SEMA5A: variants seen among roughly 807,000 people sequenced by gnomAD.
SEMA5A encodes the protein semaphorin 5A.
Under a neutral mutation model 135.5 loss-of-function variants are expected in SEMA5A, and 55 were observed. That is an observed-to-expected ratio of 0.41 (90% CI 0.33 to 0.51). The LOEUF is 0.51. Ranked by LOEUF, SEMA5A falls within the 20% of genes least tolerant of loss-of-function variation. The probability of loss-of-function intolerance (pLI) is 0.37; values close to 1 mark genes in which losing one functional copy is unlikely to be tolerated. For synonymous variants in SEMA5A, 580 were observed against 546.5 expected (o/e 1.06, Z -0.85); for missense variants, 1,290 against 1,419.9 (o/e 0.91, Z 1.47).
chr5:9,389,036 T>C (rs1425536216), intron 2 of SEMA5A, among the ~76,000 whole-genome samples: 1 of 152,226 alleles, frequency 6.6e-6, no homozygotes, highest in African/African-American at 2.4e-5. Context: ...ACCCTTCTAC[T>C]GTCATCAGTC....
At chr5:9,353,110 A>G (rs1182741129) in intron 3 of SEMA5A, among the ~76,000 whole-genome samples, 17 of 17,008 alleles carry the variant, frequency 1.0e-3, no homozygotes, top group African/African-American at 3.2e-3. Flanking sequence ...AGGAAAGGAA[A>G]GGAAAGGAAA....
At chr5:9,067,989 CCT>C (rs1737567626) in intron 16 of SEMA5A, among the ~76,000 whole-genome samples, 2 of 151,860 alleles carry the variant, frequency 1.3e-5, no homozygotes, top group African/African-American at 4.8e-5. Flanking sequence ...TTGATTATTC[CCT>C]GTTATTGTAT....
intron 2 of SEMA5A, among the ~76,000 whole-genome samples, chr5:9,411,567 C>A (rs1267304961): frequency 6.6e-6 from 1 of 152,180 alleles, no homozygotes; most frequent in African/African-American, 2.4e-5. Flanking sequence ...TCACCCACTG[C>A]CAGAAGGATG....
At chr5:9,466,170 T>C (rs1759251933) in intron 1 of SEMA5A, among the ~76,000 whole-genome samples, 2 of 151,662 alleles carry the variant, frequency 1.3e-5, no homozygotes, top group African/African-American at 4.8e-5. Context: ...GGAAACAGGA[T>C]TAAATCAGTA....
intron 4 of SEMA5A, among the ~76,000 whole-genome samples, chr5:9,332,871 T>C (rs1306804150): frequency 1.3e-5 from 2 of 152,258 alleles, no homozygotes; most frequent in South Asian, 2.1e-4. Flanking sequence ...GATCATTACC[T>C]GATCCAAGTA....
chr5:9,049,750 G>A (rs1736464620), intron 21 of SEMA5A, among the ~76,000 whole-genome samples: 1 of 152,148 alleles, frequency 6.6e-6, no homozygotes, highest in Non-Finnish European at 1.5e-5. Context: ...TCTCCATCCA[G>A]GCATGTTCAC....
intron 5 of SEMA5A, among the ~76,000 whole-genome samples, chr5:9,294,662 G>C (rs1243726371): frequency 1.3e-5 from 2 of 152,172 alleles, no homozygotes; most frequent in Non-Finnish European, 2.9e-5. Context: ...GCTTTGTCCA[G>C]GGAATTGGAC....
intron 5 of SEMA5A, among the ~76,000 whole-genome samples, chr5:9,272,946 C>A (rs951613772): frequency 6.6e-6 from 1 of 152,104 alleles, no homozygotes; most frequent in Non-Finnish European, 1.5e-5. Context: ...AACCAGAATG[C>A]CTCTTCTCCA....
rs190716003 is a variant in SEMA5A, at chr5:9,455,488, C to T, written c.-174-17636G>A. ...AGCAAGGACAGTCTCAATCTCCTGA[C>T]TTTGTGATCCGCCCGCCTCGGCCTC... On this transcript the variant is annotated intron_variant, in intron 1 of 22. Coordinates refer to ENST00000382496, the MANE Select transcript of SEMA5A (RefSeq NM_003966.3). Among the ~76,000 whole-genome samples, 34 of 152,108 alleles carry T rather than the reference C, an allele frequency of 2.2e-4. No individual in the cohort carries two copies. The East Asian group carries it at 6.0e-3, about 27-fold the overall frequency.
chr5:9,398,654 GAA>G (rs1358165555), intron 2 of SEMA5A, among the ~76,000 whole-genome samples: 1 of 152,226 alleles, frequency 6.6e-6, no homozygotes, highest in Non-Finnish European at 1.5e-5. Flanking sequence ...CCCTTCAGAT[GAA>G]AAGTCTCTTC....
At chr5:9,152,280 G>T (rs1742674438) in intron 12 of SEMA5A, among the ~76,000 whole-genome samples, 1 of 152,122 alleles carries the variant, frequency 6.6e-6, no homozygotes, top group African/African-American at 2.4e-5. Flanking sequence ...AAAGACTGGT[G>T]TCCTTCTAGA....
intron 14 of SEMA5A, among the ~76,000 whole-genome samples, chr5:9,120,903 C>T (rs1005665084): frequency 2.0e-5 from 3 of 151,910 alleles, no homozygotes; most frequent in Admixed American, 6.5e-5. Flanking sequence ...CTCAGCCTCC[C>T]GAGTAGCTGG....
chr5:9,504,231 A>AAAAAAAAAAC (rs1735750301), intron 1 of SEMA5A, among the ~76,000 whole-genome samples: 1 of 151,490 alleles, frequency 6.6e-6, no homozygotes, highest in Non-Finnish European at 1.5e-5. Flanking sequence ...AAAGAAAAAA[A>AAAAAAAAAAC]AAAAAAAACA....
chr5:9,054,315 G>T (rs750294171), intron 18 of SEMA5A, 58 bp from the exon 19 acceptor site: 4 of 1,555,168 alleles, frequency 2.6e-6, no homozygotes, highest in Non-Finnish European at 3.5e-6. Context: ...CAAGTGAAAG[G>T]AGTTACTAAA....
At chr5:9,325,717 A>T (rs1297153898) in intron 4 of SEMA5A, among the ~76,000 whole-genome samples, 1 of 152,144 alleles carries the variant, frequency 6.6e-6, no homozygotes, top group African/African-American at 2.4e-5. Flanking sequence ...AGACACTATA[A>T]AACTTAACTT....
intron 1 of SEMA5A, among the ~76,000 whole-genome samples, chr5:9,505,732 T>A (rs952098202): frequency 1.1e-4 from 17 of 152,206 alleles, no homozygotes; most frequent in Non-Finnish European, 2.4e-4. Context: ...GAAGGCCAAA[T>A]GGCCGAAGCT....
At chr5:9,220,161 GC>G (rs2150405281) in intron 8 of SEMA5A, among the ~76,000 whole-genome samples, 1 of 152,288 alleles carries the variant, frequency 6.6e-6, no homozygotes, top group East Asian at 1.9e-4. Flanking sequence ...CTATGAGGAT[GC>G]AAAGGCATAA....
chr5:9,090,986 G>A (rs1353008703), intron 16 of SEMA5A, among the ~76,000 whole-genome samples: 2 of 152,194 alleles, frequency 1.3e-5, no homozygotes, highest in African/African-American at 2.4e-5. Context: ...TAGGAGGCCT[G>A]TTGTAAGTAG....
At chr5:9,266,542 T>G (rs1749692089) in intron 5 of SEMA5A, among the ~76,000 whole-genome samples, 1 of 152,230 alleles carries the variant, frequency 6.6e-6, no homozygotes, top group Non-Finnish European at 1.5e-5. Flanking sequence ...TTAGAAACTT[T>G]TATCTGGTCC....
Sources: allele counts gnomAD v4.1 joint callset (sites outside exome capture counted in the v4.1 genomes callset), GRCh38; gene constraint gnomAD v4.1.1; transcripts MANE v1.5; gene names NCBI Gene and HGNC (gene_info 2026-07-23, HGNC 2026-07-21).